Variants in EFCAB5 observed in about 807,000 individuals in gnomAD.
The protein encoded by EFCAB5 is EF-hand calcium binding domain 5.
A neutral mutation model predicts 167.9 loss-of-function variants in EFCAB5; 131 were observed. The observed-to-expected ratio is 0.78, with a 90% CI of 0.68 to 0.90. The LOEUF (loss-of-function observed/expected upper bound fraction) is 0.90. Among genes scored for constraint, EFCAB5 ranks in the 40% least tolerant of loss-of-function variants. EFCAB5 has a pLI of 0.00. For missense variants in EFCAB5, 1,663 were observed against 1,745.2 expected, an observed-to-expected ratio of 0.95 and a Z score of 0.84; for synonymous variants, 574 against 602.8, an observed-to-expected ratio of 0.95 and a Z score of 0.70.
At position 29,993,168 on chromosome 17, in the gene EFCAB5, A is replaced by G; in HGVS notation, c.771A>G (p.Val257=). The G allele has an allele frequency of 6.2e-7, 1 of 1,609,334 alleles. No individual in the cohort carries two copies. The highest frequency in any genetic ancestry group is 1.1e-5 in the South Asian group (1 of 90,016). ...TTTCTATATCTACATCCTGCAGAGT[A>G]TCCAAGATGAAGGAGAATGTTAAAC... ...IYVPDTICNR[V]SKMKENVKQN... Residue 257 remains valine (V), a synonymous_variant, in exon 5 of 23, where the codon GTA becomes GTG. Transcript: ENST00000394835.
chr17:30,055,373 GAA>G lies in EFCAB5; in HGVS notation c.2195-514_2195-513del. The stretch of plus-strand genomic sequence containing the variant: ...GGAAGGAAGGAAGGAAGGAAGGAAG[GAA>G]GGAAGGAAGGTTCGTTCTCAACTTA... On this transcript the variant is annotated intron_variant, in intron 10 of 22. Coordinates refer to ENST00000394835, the MANE Select transcript of EFCAB5 (RefSeq NM_198529.4). Among the ~76,000 whole-genome samples, 2 of 151,482 alleles carry G rather than the reference GAA, an allele frequency of 1.3e-5. 1 individual carries two copies. The highest frequency in any genetic ancestry group is 3.0e-5 in the Non-Finnish European group (2 of 67,778).
intron 7 of EFCAB5, among the ~76,000 whole-genome samples, chr17:30,026,341 G>T (rs1240651145): frequency 1.3e-5 from 2 of 151,696 alleles, no homozygotes; most frequent in African/African-American, 4.8e-5. Context: ...AGACTTCAGT[G>T]GACTTCCATT....
intron 4 of EFCAB5, among the ~76,000 whole-genome samples, chr17:29,981,564 TA>T: frequency 6.6e-6 from 1 of 152,336 alleles, no homozygotes; most frequent in East Asian, 1.9e-4. Flanking sequence ...TCTGCTACAA[TA>T]TAAGCAGGAA....
chr17:29,938,846 G>A (rs2067266415), upstream of EFCAB5, among the ~76,000 whole-genome samples: 1 of 152,086 alleles, frequency 6.6e-6, no homozygotes, highest in Admixed American at 6.5e-5. Flanking sequence ...CTGAAGTCCT[G>A]GGGCCCTCAA....
At chr17:29,995,476 A>C (rs890125458) in intron 5 of EFCAB5, among the ~76,000 whole-genome samples, 1 of 152,290 alleles carries the variant, frequency 6.6e-6, no homozygotes, top group Middle Eastern at 3.4e-3. Flanking sequence ...TGTCTTCAGG[A>C]TCATACTGGT....
chr17:29,994,813 A>T (rs924712145), intron 5 of EFCAB5, among the ~76,000 whole-genome samples: 1 of 152,208 alleles, frequency 6.6e-6, no homozygotes, highest in African/African-American at 2.4e-5. Flanking sequence ...ATAAATAAAA[A>T]GAGGCTCCAT....
chr17:30,081,894 C>A (rs2070994837), intron 17 of EFCAB5, among the ~76,000 whole-genome samples: 1 of 152,168 alleles, frequency 6.6e-6, no homozygotes, highest in African/African-American at 2.4e-5. Flanking sequence ...GAGAGCTTTT[C>A]AAAATGAATT....
upstream of EFCAB5, among the ~76,000 whole-genome samples, chr17:29,940,226 C>A (rs1041723865): frequency 2.0e-5 from 3 of 152,158 alleles, no homozygotes; most frequent in Non-Finnish European, 4.4e-5. Flanking sequence ...CAGGCACCTG[C>A]CAACACACCC....
At chr17:30,096,677 ATTTTTTT>A (rs71278522) in intron 22 of EFCAB5, among the ~76,000 whole-genome samples, 7 of 60,128 alleles carry the variant, frequency 1.2e-4, no homozygotes, top group East Asian at 8.9e-4. Context: ...ATATATATAT[ATTTTTTT>A]TTTTTTTTTT....
intron 22 of EFCAB5, among the ~76,000 whole-genome samples, chr17:30,094,465 G>T (rs1441929244): frequency 1.5e-5 from 2 of 133,864 alleles, no homozygotes; most frequent in East Asian, 4.7e-4. Context: ...GAGCCCAGAA[G>T]TTGGAGACTA....
chr17:30,078,412 C>T lies in EFCAB5; in HGVS notation c.2935C>T (p.Arg979Trp), dbSNP rs376451950. Residue 979 changes from arginine to tryptophan, a missense_variant, in exon 15 of 23, where the codon CGG (arginine) becomes TGG (tryptophan). Arg to Trp is a moderately radical substitution (Grantham distance 101). Coordinates refer to ENST00000394835, the MANE Select transcript of EFCAB5 (RefSeq NM_198529.4). ...TGAGAGTCTGAGGAATTCTGCCAGG[C>T]GGAAATGGCTGCACCAAATCCAATG... ...HIESLRNSARRKWLHQIQCAA... is the reference protein window; with the variant it reads ...HIESLRNSARWKWLHQIQCAA... The T allele has an allele frequency of 8.5e-5, 137 of 1,613,908 alleles. No individual in the cohort carries two copies. Among genetic ancestry groups the T allele is most frequent in the Middle Eastern group, 1.7e-4 (1 of 6,060 alleles).
At chr17:30,066,374 A>T (rs750675070) in intron 14 of EFCAB5, among the ~76,000 whole-genome samples, 16 of 151,944 alleles carry the variant, frequency 1.1e-4, no homozygotes, top group African/African-American at 2.9e-4. Context: ...GGAATTTAAA[A>T]TTTTTTTTGA....
At position 30,081,061 on chromosome 17, in the gene EFCAB5, C is replaced by T. The variant is rs557916072; in HGVS notation, c.3426+80C>T. On this transcript the variant is annotated intron_variant, in intron 17 of 22. Coordinates refer to ENST00000394835, the MANE Select transcript of EFCAB5 (RefSeq NM_198529.4). ...TTTTTAAAGAGTGAAACCTGAAATC[C>T]GATGAGAGTAAAGCTGTGTATACAG... The T allele has an allele frequency of 6.5e-5, 71 of 1,095,252 alleles. No individual in the cohort carries two copies. The African/African-American group carries it at 7.6e-4, about 12-fold the overall frequency. 67.8% of individuals were successfully genotyped at this position (1,095,252 alleles called of 1,614,324 possible).
chr17:29,957,447 T>C lies in EFCAB5; in HGVS notation c.191-11344T>C, dbSNP rs117567087. On this transcript the variant is annotated intron_variant, in intron 3 of 22. Coordinates refer to ENST00000394835, the MANE Select transcript of EFCAB5 (RefSeq NM_198529.4). The stretch of plus-strand genomic sequence containing the variant: ...CATCACCTAGGTATTAAGCCCCACA[T>C]GTATTAGCTGTTTATCCTGATGCTC... Among the ~76,000 whole-genome samples, 939 of 152,236 alleles carry C rather than the reference T, an allele frequency of 6.2e-3. 9 individuals are homozygous for C. The highest frequency in any genetic ancestry group is 7.1e-3 in the Non-Finnish European group (480 of 67,990).
intron 7 of EFCAB5, chr17:30,032,045 T>A (rs2069494280): frequency 6.6e-6 from 1 of 151,924 alleles, no homozygotes; most frequent in Non-Finnish European, 1.5e-5. Context: ...TCTAAAAAAA[T>A]AAAAATAAAA....
rs138418050 is a variant in EFCAB5, at chr17:30,053,616, A to G, written c.1662A>G (p.Leu554=). The G allele has an allele frequency of 2.2e-4, 355 of 1,613,958 alleles. No homozygotes were observed. The highest frequency in any genetic ancestry group is 3.0e-4 in the Non-Finnish European group (351 of 1,179,850). Residue 554 remains leucine, a synonymous_variant, in exon 10 of 23, where the codon CTA becomes CTG. Transcript: ENST00000394835. ...IEPGTHTEST[L]EQGSSRRLLT... ...CAGGAACACACACAGAGTCAACTCTAGAACAAGGGTCAAGTAGAAGGTTAC... is the reference window on the plus strand; with the variant it reads ...CAGGAACACACACAGAGTCAACTCTGGAACAAGGGTCAAGTAGAAGGTTAC...
At chr17:29,987,369 G>C (rs527365787) in intron 4 of EFCAB5, among the ~76,000 whole-genome samples, 1 of 152,118 alleles carries the variant, frequency 6.6e-6, no homozygotes, top group South Asian at 2.1e-4. Flanking sequence ...TGTCTCGATC[G>C]CACCCAAATT....
intron 14 of EFCAB5, among the ~76,000 whole-genome samples, chr17:30,068,430 TATA>T (rs768284522): frequency 3.6e-4 from 55 of 151,974 alleles, no homozygotes; most frequent in Admixed American, 9.8e-4. Context: ...TAGGAATAAA[TATA>T]ACCAGGGAGG....
intron 14 of EFCAB5, among the ~76,000 whole-genome samples, chr17:30,074,866 A>G (rs898449165): frequency 5.9e-5 from 9 of 152,044 alleles, no homozygotes; most frequent in Non-Finnish European, 1.2e-4. Context: ...CCAAGCCAGC[A>G]TCTGGGTTCT....
Sources: allele counts gnomAD v4.1 joint callset (sites outside exome capture counted in the v4.1 genomes callset), GRCh38; gene constraint gnomAD v4.1.1; transcripts MANE v1.5; gene names NCBI Gene and HGNC (gene_info 2026-07-23, HGNC 2026-07-21).